Variants in ERCC6L2 observed in about 807,000 individuals in gnomAD.
ERCC6L2 encodes DNA excision repair protein ERCC-6-like 2.
A neutral mutation model predicts 132.0 loss-of-function variants in ERCC6L2; 77 were observed. The ratio of observed to expected loss-of-function variants is 0.58; its 90% confidence interval spans 0.49 to 0.71. ERCC6L2 has a LOEUF of 0.71. Among genes scored for constraint, ERCC6L2 ranks in the 30% least tolerant of loss-of-function variants. The probability of loss-of-function intolerance (pLI) is 0.00; values close to 1 mark genes in which losing one functional copy is unlikely to be tolerated. For missense variants in ERCC6L2, 1,542 were observed against 1,837.6 expected (o/e 0.84, Z 2.94); for synonymous variants, 583 against 632.4 (o/e 0.92, Z 1.17).
chr9:96,029,303 C>CAAAAAAAAAA (rs201014094), intron 19 of ERCC6L2, among the ~76,000 whole-genome samples: 1 of 81,776 alleles, frequency 1.2e-5, no homozygotes. Context: ...GACTCCGTCT[C>CAAAAAAAAAA]AAAAAAAAAA....
intron 1 of ERCC6L2, chr9:95,876,285 A>T: frequency 3.9e-6 from 2 of 515,998 alleles, no homozygotes; most frequent in Admixed American, 6.8e-5. Flanking sequence ...AGCCCCTGGG[A>T]TCTAGTGCTG....
At position 95,921,258 on chromosome 9, in the gene ERCC6L2, A is replaced by T. The variant is rs1349102841; in HGVS notation, c.1242A>T (p.Gln414His). 6.2e-7 allele frequency: 1 copy of T among 1,613,750 alleles called. No homozygotes were observed. The highest frequency in any genetic ancestry group is 1.7e-5 in the Admixed American group (1 of 60,016). Residue 414 changes from glutamine to histidine, a missense_variant, in exon 7 of 19, where the codon CAA (glutamine) becomes CAT (histidine). This residue lies in a region of ERCC6L2 where 945 missense variants were observed against 1,105.2 expected (regional missense o/e 0.86). Transcript: ENST00000653738. The stretch of plus-strand genomic sequence containing the variant: ...CAGAGGACGTGACTTTGATACTTCA[A>T]TCTTCTGAGCCTTGTACCTGTAGGA... ...LETEDVTLIL[Q>H]SSEPCTCRSG...
rs554379679 is a variant in ERCC6L2, at chr9:95,875,813, C to T, written c.-226C>T. The T allele has an allele frequency of 1.0e-3, 575 of 576,550 alleles. 1 individual carries two copies. Among genetic ancestry groups the T allele is most frequent in the African/African-American group, 9.7e-3 (521 of 53,528 alleles). 35.7% of individuals were successfully genotyped at this position (576,550 alleles called of 1,614,324 possible). On this transcript the variant is annotated 5_prime_UTR_variant, in exon 1 of 19. Coordinates refer to ENST00000653738, the MANE Select transcript of ERCC6L2 (RefSeq NM_020207.7). The stretch of plus-strand genomic sequence containing the variant: ...CTCACACAGCGTCCCCTGGCTCTGC[C>T]GCCGCTCCGGACGTCGCCCTCCCGT...
chr9:96,036,739 T>A (rs541384524), intron 19 of ERCC6L2, among the ~76,000 whole-genome samples: 60 of 147,422 alleles, frequency 4.1e-4, no homozygotes, highest in South Asian at 1.3e-3. Flanking sequence ...CCCATTTTTT[T>A]AAATTATTAT....
chr9:96,017,526 A>AG lies in ERCC6L2; in HGVS notation c.*4328dup, dbSNP rs1834207563. Among the ~76,000 whole-genome samples, 1 of 152,182 alleles carries AG rather than the reference A, an allele frequency of 6.6e-6. No homozygotes were observed. The highest frequency in any genetic ancestry group is 1.5e-5 in the Non-Finnish European group (1 of 68,028). The stretch of plus-strand genomic sequence containing the variant: ...AGGGTCCTCATCAAGAGACTGAATC[A>AG]GGGGGTCTAGGGCTCAGCACAGGCA... On this transcript the variant is annotated 3_prime_UTR_variant, in exon 19 of 19. Coordinates refer to ENST00000653738, the MANE Select transcript of ERCC6L2 (RefSeq NM_020207.7).
At chr9:95,980,695 G>A (rs1832854616) in intron 17 of ERCC6L2, among the ~76,000 whole-genome samples, 1 of 152,058 alleles carries the variant, frequency 6.6e-6, no homozygotes, top group South Asian at 2.1e-4. Context: ...CAGCTGGTGT[G>A]GCAGTGGGTG....
chr9:96,037,009 G>A (rs972217880), intron 19 of ERCC6L2, among the ~76,000 whole-genome samples: 20 of 151,626 alleles, frequency 1.3e-4, no homozygotes, highest in South Asian at 2.1e-4. Flanking sequence ...CTCGTGATCC[G>A]CCCGCCTCGG....
chr9:95,923,848 A>G (rs749230181), intron 9 of ERCC6L2, among the ~76,000 whole-genome samples: 1 of 152,218 alleles, frequency 6.6e-6, no homozygotes, highest in Non-Finnish European at 1.5e-5. Flanking sequence ...TTTTACTTGC[A>G]GAACTAGATC....
chr9:95,878,416 T>C (rs1318686616), intron 1 of ERCC6L2, among the ~76,000 whole-genome samples: 1 of 152,216 alleles, frequency 6.6e-6, no homozygotes, highest in Admixed American at 6.5e-5. Flanking sequence ...GGAGTAATAT[T>C]AAATGAGGTT....
At chr9:96,022,069 C>CG (rs965472002), downstream of ERCC6L2, among the ~76,000 whole-genome samples, 8 of 152,360 alleles carry the variant, frequency 5.3e-5, no homozygotes, top group African/African-American at 1.9e-4. Flanking sequence ...CCGGCGCCCC[C>CG]GGCCAAGTGG....
chr9:95,987,005 AC>A (rs1337913403), intron 17 of ERCC6L2, among the ~76,000 whole-genome samples: 1 of 152,164 alleles, frequency 6.6e-6, no homozygotes, highest in African/African-American at 2.4e-5. Flanking sequence ...GAAAGGAGCA[AC>A]CCCTTATTAA....
intron 13 of ERCC6L2, among the ~76,000 whole-genome samples, chr9:95,965,536 G>A (rs777284596): frequency 3.3e-5 from 5 of 151,828 alleles, no homozygotes; most frequent in African/African-American, 9.7e-5. Flanking sequence ...TTTTTGTGAC[G>A]GAGTCTTTGT....
chr9:95,976,035 CAAT>C (rs1832656308), intron 16 of ERCC6L2, among the ~76,000 whole-genome samples: 1 of 152,070 alleles, frequency 6.6e-6, no homozygotes, highest in African/African-American at 2.4e-5. Context: ...TTTTTTCTCA[CAAT>C]AATTTTTTTG....
chr9:95,969,376 G>T (rs1391907183), intron 14 of ERCC6L2, among the ~76,000 whole-genome samples: 1 of 152,202 alleles, frequency 6.6e-6, no homozygotes, highest in Non-Finnish European at 1.5e-5. Flanking sequence ...TAATCCAGCT[G>T]AGAGATGATG....
intron 14 of ERCC6L2, chr9:95,967,318 G>C (rs1468915079): frequency 6.6e-6 from 1 of 152,046 alleles, no homozygotes; most frequent in Admixed American, 6.6e-5. Context: ...TATTCATATA[G>C]GTATCATAAA....
downstream of ERCC6L2, chr9:96,021,055 G>T (rs1385440807): frequency 2.2e-6 from 1 of 451,804 alleles, no homozygotes; most frequent in Non-Finnish European, 4.5e-6. The surrounding 1 kb of genome is among the most constrained non-coding windows in gnomAD (Gnocchi z 4.7). Flanking sequence ...ACCCAGCTAG[G>T]GGGCACCGCC....
chr9:95,875,962 C>G lies in ERCC6L2; in HGVS notation c.-77C>G. On this transcript the variant is annotated 5_prime_UTR_variant, in exon 1 of 19. Coordinates refer to ENST00000653738, the MANE Select transcript of ERCC6L2 (RefSeq NM_020207.7). ...AGTGGCGTTGGCCGCCATTGGCCTG[C>G]CGGCCAGCCACCTTGCTGTCCTCCG... 2.0e-6 allele frequency: 3 copies of G among 1,497,300 alleles called. No individual in the cohort carries two copies. The highest frequency in any genetic ancestry group is 2.7e-6 in the Non-Finnish European group (3 of 1,106,202). The allele number at this position is 1,497,300 out of a possible 1,614,324, so 92.8% of individuals were successfully genotyped here.
At chr9:95,959,335 T>A (rs1297380559) in intron 13 of ERCC6L2, among the ~76,000 whole-genome samples, 3 of 151,788 alleles carry the variant, frequency 2.0e-5, no homozygotes, top group Non-Finnish European at 2.9e-5. Context: ...ATATGTAGAA[T>A]GCTGAAACTG....
intron 17 of ERCC6L2, among the ~76,000 whole-genome samples, chr9:95,993,116 G>T (rs998130058): frequency 2.0e-5 from 3 of 152,084 alleles, no homozygotes; most frequent in African/African-American, 7.2e-5. Flanking sequence ...AGACTGGTAG[G>T]AGTCCCAGAT....
Sources: gnomAD v4.1 joint callset for allele counts (sites outside exome capture counted in the v4.1 genomes callset) on GRCh38, gnomAD v4.1.1 for gene constraint, gnomAD v4.1.1 regional missense constraint, Gnocchi (gnomAD v3.1) non-coding constraint, MANE v1.5 for transcripts, NCBI Gene and HGNC (gene_info 2026-07-23, HGNC 2026-07-21) for gene names.